Variants in IMMP2L observed in about 807,000 individuals in gnomAD.
IMMP2L encodes mitochondrial inner membrane protease subunit 2.
IMMP2L carries 18 observed loss-of-function variants against 19.3 expected under a neutral mutation model. That is an observed-to-expected ratio of 0.93 (90% CI 0.64 to 1.38). IMMP2L has a LOEUF of 1.38. Among genes scored for constraint, IMMP2L ranks in the 40% most tolerant of loss-of-function variants. The pLI, the probability that IMMP2L is intolerant of heterozygous loss-of-function variation, is 0.00. For synonymous variants in IMMP2L, 76 were observed against 73.0 expected (o/e 1.04, Z -0.21); for missense variants, 233 against 218.2 (o/e 1.07, Z -0.43).
At chr7:111,404,593 G>A (rs752425465) in intron 3 of IMMP2L, among the ~76,000 whole-genome samples, 2 of 151,910 alleles carry the variant, frequency 1.3e-5, no homozygotes, top group Non-Finnish European at 2.9e-5. Flanking sequence ...AGTGAAAACA[G>A]GTAGAAAGAA....
chr7:111,111,979 GCT>G (rs1482694307), intron 3 of IMMP2L, among the ~76,000 whole-genome samples: 1 of 95,186 alleles, frequency 1.1e-5, no homozygotes, highest in African/African-American at 4.2e-5. Context: ...ATGGAGTCTT[GCT>G]CTGTCTCCCA....
intron 3 of IMMP2L, among the ~76,000 whole-genome samples, chr7:111,211,303 T>C (rs1406046376): frequency 1.3e-5 from 2 of 152,044 alleles, no homozygotes; most frequent in African/African-American, 4.8e-5. Context: ...AATGACTCTA[T>C]GCGGAACTAC....
intron 5 of IMMP2L, among the ~76,000 whole-genome samples, chr7:110,691,170 A>G (rs1052588670): frequency 6.6e-6 from 1 of 152,010 alleles, no homozygotes; most frequent in African/African-American, 2.4e-5. Context: ...AGCCAAATGC[A>G]CCCATCAAAC....
intron 3 of IMMP2L, among the ~76,000 whole-genome samples, chr7:111,230,347 G>C (rs1157507610): frequency 6.6e-6 from 1 of 151,862 alleles, no homozygotes; most frequent in East Asian, 1.9e-4. Context: ...ACACTAGCAA[G>C]GTCTTCCATA....
chr7:110,813,866 G>C (rs986754335), intron 5 of IMMP2L, among the ~76,000 whole-genome samples: 1 of 151,544 alleles, frequency 6.6e-6, no homozygotes, highest in Admixed American at 6.6e-5. Flanking sequence ...GTTTAAAATA[G>C]AAAGAACACT....
intron 2 of IMMP2L, among the ~76,000 whole-genome samples, chr7:111,506,181 A>G (rs1844880072): frequency 6.6e-6 from 1 of 150,888 alleles, no homozygotes; most frequent in Non-Finnish European, 1.5e-5. Flanking sequence ...CAACAGAGCA[A>G]GACCCTGTCT....
chr7:111,215,622 A>G (rs1811849597), intron 3 of IMMP2L, among the ~76,000 whole-genome samples: 1 of 152,190 alleles, frequency 6.6e-6, no homozygotes, highest in Non-Finnish European at 1.5e-5. Context: ...GTTAGATACA[A>G]AAAGTATCAG....
chr7:110,734,833 G>C (rs756343894), intron 5 of IMMP2L, among the ~76,000 whole-genome samples: 3 of 152,122 alleles, frequency 2.0e-5, no homozygotes, highest in Non-Finnish European at 2.9e-5. Flanking sequence ...AGCTGCATAG[G>C]TAAGAAAGGC....
intron 3 of IMMP2L, among the ~76,000 whole-genome samples, chr7:111,032,650 C>T (rs1225617634): frequency 6.6e-6 from 1 of 151,896 alleles, no homozygotes; most frequent in Non-Finnish European, 1.5e-5. Flanking sequence ...GGTGAAACCC[C>T]CTCCCTACTA....
At chr7:111,339,382 T>G (rs1490078566) in intron 3 of IMMP2L, among the ~76,000 whole-genome samples, 1 of 151,742 alleles carries the variant, frequency 6.6e-6, no homozygotes, top group East Asian at 1.9e-4. Flanking sequence ...CCACTTGCAA[T>G]TAAGAAGAAT....
At chr7:110,951,213 T>A (rs1312320588) in intron 4 of IMMP2L, among the ~76,000 whole-genome samples, 4 of 151,928 alleles carry the variant, frequency 2.6e-5, no homozygotes, top group Non-Finnish European at 5.9e-5. Context: ...ATTGTGCCTA[T>A]AGTAAACAAT....
intron 3 of IMMP2L, among the ~76,000 whole-genome samples, chr7:111,016,781 A>C (rs1202763567): frequency 2.3e-5 from 2 of 88,866 alleles, no homozygotes; most frequent in African/African-American, 4.6e-5. Context: ...TGCATATATA[A>C]TATATACTAT....
intron 3 of IMMP2L, among the ~76,000 whole-genome samples, chr7:111,269,130 G>A (rs905000081): frequency 2.6e-5 from 4 of 152,008 alleles, no homozygotes; most frequent in Non-Finnish European, 5.9e-5. Context: ...TGAGTTGACA[G>A]GGCACTGGCA....
intron 3 of IMMP2L, among the ~76,000 whole-genome samples, chr7:111,248,771 T>C (rs1486609136): frequency 3.1e-5 from 1 of 32,180 alleles, no homozygotes; most frequent in Non-Finnish European, 5.2e-5. Context: ...TCTGTTGGAA[T>C]ACCCTGCCGT....
At chr7:111,040,272 T>C (rs1001912070) in intron 3 of IMMP2L, among the ~76,000 whole-genome samples, 1 of 152,238 alleles carries the variant, frequency 6.6e-6, no homozygotes, top group East Asian at 1.9e-4. Context: ...TTTAGGTTGC[T>C]ATTAAATAAC....
chr7:111,274,384 C>G (rs374495211), intron 3 of IMMP2L, among the ~76,000 whole-genome samples: 2 of 152,246 alleles, frequency 1.3e-5, no homozygotes, highest in East Asian at 1.9e-4. Context: ...TTTTACTTTA[C>G]TTGAGCCTCT....
At chr7:111,214,882 T>C (rs1811771503) in intron 3 of IMMP2L, among the ~76,000 whole-genome samples, 1 of 151,674 alleles carries the variant, frequency 6.6e-6, no homozygotes, top group South Asian at 2.1e-4. Flanking sequence ...GTTTGACACA[T>C]ACCAGCGCAG....
chr7:111,304,670 A>ATG (rs147788856), intron 3 of IMMP2L, among the ~76,000 whole-genome samples: 17,984 of 125,738 alleles, frequency 0.14, 1,289 homozygotes, highest in Middle Eastern at 0.15. Context: ...CACATATATA[A>ATG]TGTGTGTGTG....
At chr7:111,250,414 C>G (rs1490614613) in intron 3 of IMMP2L, among the ~76,000 whole-genome samples, 1 of 152,120 alleles carries the variant, frequency 6.6e-6, no homozygotes, top group African/African-American at 2.4e-5. Flanking sequence ...TTTTAAAATT[C>G]ATATGAAACC....
Sources: gnomAD v4.1 joint callset for allele counts (sites outside exome capture counted in the v4.1 genomes callset) on GRCh38, gnomAD v4.1.1 for gene constraint, MANE v1.5 for transcripts, NCBI Gene and HGNC (gene_info 2026-07-23, HGNC 2026-07-21) for gene names.